Variants in SLC20A1 observed in about 807,000 individuals in gnomAD.
The protein encoded by SLC20A1 is sodium-dependent phosphate transporter 1.
Under a neutral mutation model 62.7 loss-of-function variants are expected in SLC20A1, and 28 were observed. The ratio of observed to expected loss-of-function variants is 0.45; its 90% CI spans 0.33 to 0.61. The LOEUF is 0.61. Ranked by LOEUF, SLC20A1 falls within the 20% of genes least tolerant of loss-of-function variation. The pLI is 0.02. For missense variants in SLC20A1, 673 were observed against 838.6 expected (o/e 0.80, Z 2.44); for synonymous variants, 305 against 302.9 (o/e 1.01, Z -0.07).
At chr2:112,660,139 A>T (rs901924520) in intron 8 of SLC20A1, among the ~76,000 whole-genome samples, 4 of 152,184 alleles carry the variant, frequency 2.6e-5, no homozygotes, top group Admixed American at 6.5e-5. Context: ...GGAACCTGAG[A>T]GTTGCTTTAA....
chr2:112,647,862 C>G, intron 4 of SLC20A1, 124 bp downstream of exon 4: 2 of 769,848 alleles, frequency 2.6e-6, no homozygotes, highest in Non-Finnish European at 4.5e-6. Flanking sequence ...TTAAAAAGCT[C>G]TTTGTTCTGT....
intron 5 of SLC20A1, 147 bp downstream of exon 5, chr2:112,652,945 A>G (rs758591084): frequency 1.3e-6 from 2 of 1,568,374 alleles, no homozygotes; most frequent in South Asian, 2.3e-5. Flanking sequence ...GCTGCAGGCT[A>G]GTGTACGCTG....
At chr2:112,655,445 C>A (rs982130202) in intron 5 of SLC20A1, among the ~76,000 whole-genome samples, 2 of 150,550 alleles carry the variant, frequency 1.3e-5, no homozygotes, top group South Asian at 2.1e-4. Flanking sequence ...ACATAACAAG[C>A]AAAATAAAGC....
chr2:112,648,845 C>T (rs970732089), intron 4 of SLC20A1, among the ~76,000 whole-genome samples: 1 of 152,206 alleles, frequency 6.6e-6, no homozygotes, highest in Non-Finnish European at 1.5e-5. Context: ...TTCCCACTCC[C>T]TACAACTGTA....
Position 112,652,611 on chromosome 2 carries a change from A to G in SLC20A1, c.562-91A>G, listed in dbSNP as rs1686473023. The G allele has an allele frequency of 4.0e-6, 4 of 1,007,650 alleles. No individual in the cohort carries two copies. The Admixed American group carries it at 5.5e-5, about 14-fold the overall frequency. The allele number at this position is 1,007,650 out of a possible 1,614,324, so 62.4% of individuals were successfully genotyped here. A position where few individuals can be genotyped will look rare whatever the true frequency, so the allele number is the denominator to read the frequency against. On this transcript the variant is annotated intron_variant, in intron 4 of 10. Transcript: ENST00000272542. ...TACTCTGGAGAGAGTTATTGGCACT[A>G]TAATTCCCAAACCTACCCTGTTAAA...
chr2:112,654,915 TCAAAAA>T (rs1467946452), intron 5 of SLC20A1, among the ~76,000 whole-genome samples: 1 of 148,098 alleles, frequency 6.8e-6, no homozygotes, highest in Non-Finnish European at 1.5e-5. Flanking sequence ...AAAAAAAAGT[TCAAAAA>T]CAAAAAAAGT....
At chr2:112,661,118 A>T in intron 9 of SLC20A1, 24 bp from the exon 10 acceptor site, 2 of 1,601,820 alleles carry the variant, frequency 1.2e-6, no homozygotes, top group East Asian at 2.2e-5. Flanking sequence ...TCACTTCCTG[A>T]CAAGAATCCT....
In SLC20A1 at chr2:112,659,108, C is replaced by G. The variant is rs1686679411; in HGVS notation, c.1048+14C>G. On this transcript the variant is annotated intron_variant, in intron 7 of 10. Coordinates refer to ENST00000272542, the MANE Select transcript of SLC20A1 (RefSeq NM_005415.5). ...GCACCGTGAATGGTGAGTTGGAATT[C>G]CTGGTTTCACTTTTGTTACCTGCAG... 1 of 1,609,824 alleles carries G rather than the reference C, an allele frequency of 6.2e-7. No homozygotes were observed. The highest frequency in any genetic ancestry group is 1.7e-5 in the Admixed American group (1 of 59,558).
rs753421218 is a variant in SLC20A1, at chr2:112,647,337, G to C, written c.348G>C (p.Trp116Cys). The change falls in exon 3 of 11, where the codon TGG (tryptophan) becomes TGC (cysteine). Residue 116 changes from tryptophan (W) to cysteine (C), a missense_variant. Physicochemically the swap from Trp to Cys is radical, Grantham distance 215. Transcript: ENST00000272542. ...SVSAMFGSAV[W>C]QLVASFLKLP... Reference sequence around the variant, plus strand: ...ACTATGTTTCAGGTTCTGCTGTGTGGCAACTCGTGGCTTCGTTTTTGAAGC... The same window carrying C: ...ACTATGTTTCAGGTTCTGCTGTGTGCCAACTCGTGGCTTCGTTTTTGAAGC... The C allele has an allele frequency of 1.9e-6, 3 of 1,613,562 alleles. No homozygotes were observed. The Admixed American group carries it at 5.0e-5, about 27-fold the overall frequency.
At chr2:112,651,047 C>T (rs988112275) in intron 4 of SLC20A1, among the ~76,000 whole-genome samples, 11 of 152,158 alleles carry the variant, frequency 7.2e-5, no homozygotes, top group African/African-American at 2.7e-4. Flanking sequence ...CTTAACAGTT[C>T]TTGATTTCTG....
In SLC20A1 at chr2:112,663,146, A is replaced by G; in HGVS notation, c.*121A>G. 1 of 1,161,780 alleles carries G rather than the reference A, an allele frequency of 8.6e-7. No homozygotes were observed. Among genetic ancestry groups the G allele is most frequent in the Non-Finnish European group, 1.3e-6 (1 of 769,464 alleles). 72.0% of individuals were successfully genotyped at this position (1,161,780 alleles called of 1,614,324 possible). On this transcript the variant is annotated 3_prime_UTR_variant, in exon 11 of 11. Transcript: ENST00000272542. ...AAGAGTCTTTTTATTTGGGAGCCAG[A>G]GGAGGGAAGTGTTACTTGTGCTATA... is the stretch of plus-strand genomic sequence containing the variant.
At chr2:112,652,432 A>C in intron 4 of SLC20A1, 4 of 481,028 alleles carry the variant, frequency 8.3e-6, no homozygotes, top group Non-Finnish European at 1.1e-5. Context: ...GAATGTGGGT[A>C]TTGCAATCTT....
chr2:112,649,251 C>T (rs1331451902), intron 4 of SLC20A1, among the ~76,000 whole-genome samples: 1 of 152,160 alleles, frequency 6.6e-6, no homozygotes, highest in Non-Finnish European at 1.5e-5. Context: ...TGTATATTTC[C>T]TATATGGGTA....
rs1033109842 is a variant in SLC20A1 at position 112,659,032 on chromosome 2, A to C, written c.986A>C (p.Glu329Ala). Residue 329 changes from glutamate to alanine, a missense_variant, in exon 7 of 11, where the codon GAG becomes GCG. Physicochemically the swap from Glu to Ala is moderately radical, Grantham distance 107. Transcript: ENST00000272542. Reference protein sequence around the residue: ...FKLGDLEEAPERERLPSVDLK... With the variant: ...FKLGDLEEAPARERLPSVDLK... ...CTTGGAGATTTGGAGGAAGCTCCAGAGAGAGAGAGGCTTCCCAGCGTGGAC... is the reference window on the plus strand; with the variant it reads ...CTTGGAGATTTGGAGGAAGCTCCAGCGAGAGAGAGGCTTCCCAGCGTGGAC... The C allele has an allele frequency of 5.0e-6, 8 of 1,614,114 alleles. No homozygotes were observed. Among genetic ancestry groups the C allele is most frequent in the Non-Finnish European group, 6.8e-6 (8 of 1,179,990 alleles).
chr2:112,660,900 C>A, intron 9 of SLC20A1: 1 of 493,234 alleles, frequency 2.0e-6, no homozygotes, highest in African/African-American at 1.9e-5. Context: ...AATAAAAGTG[C>A]AAATTTTATT....
intron 6 of SLC20A1, among the ~76,000 whole-genome samples, chr2:112,657,989 T>C (rs1309220462): frequency 2.6e-5 from 4 of 152,240 alleles, no homozygotes; most frequent in Non-Finnish European, 5.9e-5. Flanking sequence ...GTTTATCGTT[T>C]CGAAGCTGAG....
intron 5 of SLC20A1, among the ~76,000 whole-genome samples, chr2:112,656,340 G>A (rs1686585183): frequency 6.6e-6 from 1 of 151,764 alleles, no homozygotes. Context: ...GGGACTACAG[G>A]CGCCCACCAC....
chr2:112,661,585 G>C (rs1168389638), intron 10 of SLC20A1, among the ~76,000 whole-genome samples: 1 of 151,826 alleles, frequency 6.6e-6, no homozygotes, highest in Non-Finnish European at 1.5e-5. Context: ...GTCTTGCTGT[G>C]TCACCTGGGC....
chr2:112,657,435 G>A (rs1245667397), intron 6 of SLC20A1, among the ~76,000 whole-genome samples, 194 bp downstream of exon 6: 1 of 152,108 alleles, frequency 6.6e-6, no homozygotes, highest in African/African-American at 2.4e-5. Context: ...TCTTAAAAAT[G>A]GACTTACATG....
Sources: allele counts gnomAD v4.1 joint callset (sites outside exome capture counted in the v4.1 genomes callset), GRCh38; gene constraint gnomAD v4.1.1; transcripts MANE v1.5; gene names NCBI Gene and HGNC (gene_info 2026-07-23, HGNC 2026-07-21).